Variants in TANC2 observed in about 807,000 individuals in gnomAD.
The protein encoded by TANC2 is tetratricopeptide repeat, ankyrin repeat and coiled-coil containing 2.
A neutral mutation model predicts 210.5 loss-of-function variants in TANC2; 26 were observed. The observed-to-expected ratio is 0.12, with a 90% CI of 0.09 to 0.17. The LOEUF (loss-of-function observed/expected upper bound fraction) is 0.17, where lower values mean the gene tolerates loss of function less well. Ranked by LOEUF, TANC2 falls within the 10% of genes least tolerant of loss-of-function variation. The pLI is 1.00. For missense variants in TANC2, 2,129 were observed against 2,608.9 expected (o/e 0.82, Z 4.01); for synonymous variants, 931 against 967.1 (o/e 0.96, Z 0.69).
chr17:63,188,425 C>G (rs1214299704), intron 5 of TANC2, among the ~76,000 whole-genome samples: 1 of 151,948 alleles, frequency 6.6e-6, no homozygotes, highest in Non-Finnish European at 1.5e-5. Context: ...AACCCCATCT[C>G]TACTAAAAAT....
At chr17:63,187,445 G>C (rs2041029409) in intron 5 of TANC2, among the ~76,000 whole-genome samples, 1 of 152,136 alleles carries the variant, frequency 6.6e-6, no homozygotes, top group Non-Finnish European at 1.5e-5. Context: ...ACCTTACTCA[G>C]ATTTGGTTAA....
intron 3 of TANC2, among the ~76,000 whole-genome samples, chr17:63,077,739 T>A (rs967145020): frequency 1.3e-5 from 2 of 152,176 alleles, no homozygotes; most frequent in Admixed American, 6.5e-5. Flanking sequence ...GAGTAGTTGA[T>A]GTCCAAGCCA....
At chr17:63,401,110 G>A (rs941634007) in intron 19 of TANC2, among the ~76,000 whole-genome samples, 3 of 152,138 alleles carry the variant, frequency 2.0e-5, no homozygotes, top group Admixed American at 6.5e-5. Context: ...AAACATACAT[G>A]TGCCTTTCTA....
chr17:63,204,874 C>G (rs547083244), intron 7 of TANC2, among the ~76,000 whole-genome samples: 44 of 152,194 alleles, frequency 2.9e-4, no homozygotes, highest in African/African-American at 9.4e-4. Flanking sequence ...CAGTTGAGGT[C>G]AGGAGTTTGA....
At chr17:63,052,777 C>A (rs890281895) in intron 2 of TANC2, among the ~76,000 whole-genome samples, 1 of 152,150 alleles carries the variant, frequency 6.6e-6, no homozygotes, top group Admixed American at 6.5e-5. Flanking sequence ...ATCTTTGTTA[C>A]AACTACTGAA....
At chr17:63,098,513 G>GTATATATATATA (rs779741664) in intron 3 of TANC2, among the ~76,000 whole-genome samples, 2,918 of 125,312 alleles carry the variant, frequency 0.023, 100 homozygotes, top group South Asian at 0.033. Context: ...CTCTCTCTGT[G>GTATATATATATA]TGTATATATA....
chr17:63,306,165 G>A (rs935308787), intron 9 of TANC2, among the ~76,000 whole-genome samples: 2 of 152,244 alleles, frequency 1.3e-5, no homozygotes, highest in Non-Finnish European at 2.9e-5. Context: ...TGTAGCAAAA[G>A]TCTGAGCTAG....
chr17:63,243,002 A>T (rs189288482), intron 8 of TANC2, among the ~76,000 whole-genome samples: 2 of 152,324 alleles, frequency 1.3e-5, no homozygotes, highest in Admixed American at 1.3e-4. Flanking sequence ...TGTGGGAATT[A>T]GGGCTCAGGA....
chr17:63,392,452 T>C (rs2048011785), intron 17 of TANC2, among the ~76,000 whole-genome samples: 1 of 152,218 alleles, frequency 6.6e-6, no homozygotes, highest in Non-Finnish European at 1.5e-5. Flanking sequence ...TTGCCCTTCC[T>C]AATTCATTTA....
chr17:63,375,161 A>G (rs1267368161), intron 14 of TANC2, among the ~76,000 whole-genome samples: 2 of 152,202 alleles, frequency 1.3e-5, no homozygotes, highest in East Asian at 1.9e-4. Flanking sequence ...TAGAATGTAC[A>G]TTGCTGTTTC....
chr17:63,220,199 G>C (rs1425664548), intron 7 of TANC2, among the ~76,000 whole-genome samples: 1 of 151,878 alleles, frequency 6.6e-6, no homozygotes, highest in African/African-American at 2.4e-5. Flanking sequence ...GGAGGCTGAG[G>C]CAGGAGAATC....
chr17:63,279,349 CCA>C, intron 9 of TANC2, among the ~76,000 whole-genome samples: 1 of 152,146 alleles, frequency 6.6e-6, no homozygotes, highest in East Asian at 1.9e-4. Context: ...CATGACAGCC[CCA>C]TGAGGTATAT....
intron 14 of TANC2, among the ~76,000 whole-genome samples, chr17:63,366,179 C>T (rs772427007): frequency 6.6e-6 from 1 of 152,104 alleles, no homozygotes; most frequent in African/African-American, 2.4e-5. Context: ...ATCTTTTGTT[C>T]ACTTTGTTAC....
At chr17:63,177,387 G>C (rs775660522) in intron 5 of TANC2, among the ~76,000 whole-genome samples, 2 of 151,356 alleles carry the variant, frequency 1.3e-5, no homozygotes, top group African/African-American at 2.4e-5. Flanking sequence ...AAATGGAATT[G>C]AATCTGGAAT....
At chr17:63,357,056 T>C (rs2046802794) in intron 14 of TANC2, among the ~76,000 whole-genome samples, 1 of 152,244 alleles carries the variant, frequency 6.6e-6, no homozygotes, top group Non-Finnish European at 1.5e-5. Flanking sequence ...GTGAATTGTA[T>C]GATGTTCCCA....
intron 9 of TANC2, among the ~76,000 whole-genome samples, chr17:63,283,741 T>G (rs1438594264): frequency 6.6e-6 from 1 of 152,036 alleles, no homozygotes; most frequent in African/African-American, 2.4e-5. Context: ...ATATTTCTTA[T>G]GCTATTGTAA....
At chr17:63,245,500 G>A (rs367857047) in intron 8 of TANC2, among the ~76,000 whole-genome samples, 60 of 152,180 alleles carry the variant, frequency 3.9e-4, no homozygotes, top group African/African-American at 1.3e-3. Flanking sequence ...TTGAGGTCAG[G>A]AGTTCGAGAC....
intron 14 of TANC2, among the ~76,000 whole-genome samples, chr17:63,364,763 G>A (rs1054385652): frequency 4.6e-5 from 7 of 151,828 alleles, no homozygotes; most frequent in Admixed American, 3.3e-4. Context: ...TCTAGCCTGG[G>A]TGACAGAGTG....
At chr17:63,183,521 A>G (rs775047046) in intron 5 of TANC2, among the ~76,000 whole-genome samples, 2 of 152,198 alleles carry the variant, frequency 1.3e-5, no homozygotes, top group Admixed American at 1.3e-4. Flanking sequence ...TTTAAAAACT[A>G]AAGTTTGAGA....
Sources: gnomAD v4.1 joint callset for allele counts (sites outside exome capture counted in the v4.1 genomes callset) on GRCh38, gnomAD v4.1.1 for gene constraint, MANE v1.5 for transcripts, NCBI Gene and HGNC (gene_info 2026-07-23, HGNC 2026-07-21) for gene names.